The following COL19A1 variants were observed in gnomAD, a reference collection of about 807,000 sequenced individuals.
COL19A1 encodes the protein collagen alpha-1(XIX) chain.
In COL19A1, 159 loss-of-function variants were observed where a neutral mutation model predicts 190.2. The ratio of observed to expected loss-of-function variants is 0.84; its 90% CI spans 0.73 to 0.95. The LOEUF (loss-of-function observed/expected upper bound fraction) is 0.95, where lower values mean the gene tolerates loss of function less well. COL19A1 is among the 40% of genes least tolerant of loss of function. The pLI is 0.00. For missense variants in COL19A1, 1,418 were observed against 1,431.9 expected, an observed-to-expected ratio of 0.99 and a Z score of 0.16; for synonymous variants, 509 against 458.9, an observed-to-expected ratio of 1.11 and a Z score of -1.39.
chr6:69,992,402 T>C (rs1776675814), intron 11 of COL19A1, among the ~76,000 whole-genome samples: 1 of 152,152 alleles, frequency 6.6e-6, no homozygotes, highest in African/African-American at 2.4e-5. Context: ...TTAGAATGTT[T>C]TTCTCTAATT....
At chr6:69,885,767 T>C (rs2149952506) in intron 2 of COL19A1, among the ~76,000 whole-genome samples, 1 of 152,358 alleles carries the variant, frequency 6.6e-6, no homozygotes, top group East Asian at 1.9e-4. Flanking sequence ...CTTAGCATAC[T>C]GTCCTTAAGG....
intron 16 of COL19A1, among the ~76,000 whole-genome samples, chr6:70,108,806 T>C (rs1784117466): frequency 6.6e-6 from 1 of 152,202 alleles, no homozygotes; most frequent in African/African-American, 2.4e-5. Context: ...ATTTGAAACA[T>C]GTACATTCAT....
At chr6:70,035,636 A>T (rs1779312832) in intron 13 of COL19A1, among the ~76,000 whole-genome samples, 1 of 152,226 alleles carries the variant, frequency 6.6e-6, no homozygotes, top group South Asian at 2.1e-4. Context: ...ATTAGTAGAC[A>T]AAAGAATAGA....
In COL19A1 at chr6:70,186,981, G is replaced by A. The variant is rs573808236; in HGVS notation, c.2857-1094G>A. ...CAACCTCCGCCTCCCGGGTTCAAGC[G>A]ATTCTCCTGCCTCAGCCTCCTGAGT... On this transcript the variant is annotated intron_variant, in intron 46 of 50. Transcript: ENST00000620364. 1.3e-3 allele frequency among the ~76,000 whole-genome samples: 192 copies of A among 152,200 alleles called. 1 individual carries two copies. The highest frequency in any genetic ancestry group is 2.3e-3 in the Non-Finnish European group (155 of 68,014).
intron 16 of COL19A1, among the ~76,000 whole-genome samples, chr6:70,117,965 A>C (rs60281234): frequency 0.017 from 2,543 of 152,306 alleles, 72 homozygotes; most frequent in African/African-American, 0.058. Context: ...GCCTCTCTTC[A>C]CCACTGGACC....
chr6:70,178,266 G>A lies in COL19A1; in HGVS notation c.2667+1702G>A, dbSNP rs1379731276. On this transcript the variant is annotated intron_variant, in intron 42 of 50. Transcript: ENST00000620364. ...TAGCTGGGCACCTTTAGTCCCAACT[G>A]CTTGGAGGCTGAGGTGGGAGGATCA... Among the ~76,000 whole-genome samples the A allele has an allele frequency of 2.0e-5, 3 of 152,054 alleles. No individual in the cohort carries two copies. The East Asian group carries it at 5.8e-4, about 29-fold the overall frequency.
At chr6:69,993,252 A>T (rs986915177) in intron 11 of COL19A1, among the ~76,000 whole-genome samples, 2 of 152,130 alleles carry the variant, frequency 1.3e-5, no homozygotes, top group Non-Finnish European at 2.9e-5. Context: ...TATGTGATGA[A>T]TCACATTTAG....
intron 4 of COL19A1, among the ~76,000 whole-genome samples, chr6:69,905,038 T>C (rs749571280): frequency 1.6e-4 from 25 of 152,092 alleles, no homozygotes; most frequent in South Asian, 1.0e-3. Context: ...CACATTTCCA[T>C]TGGGGCCCAT....
At chr6:70,183,176 C>A (rs802185) in intron 44 of COL19A1, among the ~76,000 whole-genome samples, 115,854 of 152,010 alleles carry the variant, frequency 0.76, 45,006 homozygotes, top group African/African-American at 0.91. Flanking sequence ...TGCTGCTTGC[C>A]ATCTGCTGTT....
chr6:70,106,708 A>C (rs1397103678), intron 16 of COL19A1, among the ~76,000 whole-genome samples: 1 of 152,214 alleles, frequency 6.6e-6, no homozygotes, highest in Non-Finnish European at 1.5e-5. Context: ...CTTGTTAAAA[A>C]CCAGAGCTGA....
intron 18 of COL19A1, among the ~76,000 whole-genome samples, chr6:70,137,386 AT>A (rs1189564266): frequency 6.6e-6 from 1 of 152,174 alleles, no homozygotes; most frequent in East Asian, 1.9e-4. Context: ...CAAAATTATA[AT>A]TTTTCTCCTC....
intron 2 of COL19A1, chr6:69,879,874 GTTTCC>G (rs1768402559): frequency 1.9e-6 from 1 of 529,690 alleles, no homozygotes; most frequent in African/African-American, 1.9e-5. Flanking sequence ...ATTAGTCTAT[GTTTCC>G]TTTCATCTTC....
rs1787312267 is a variant in COL19A1, at chr6:70,154,524, A to T, written c.2080-1603A>T. On this transcript the variant is annotated intron_variant, in intron 31 of 50. Transcript: ENST00000620364. ...ATTTTTGAGATGATTTGCCTCATGT[A>T]TTCATCAGGGTTCTCTAGAGGGACA... 2.0e-5 allele frequency among the ~76,000 whole-genome samples: 3 copies of T among 152,152 alleles called. No homozygotes were observed. In the South Asian group the frequency reaches 6.2e-4, roughly 31 times the overall value.
intron 11 of COL19A1, among the ~76,000 whole-genome samples, chr6:70,003,822 T>G (rs1296198095): frequency 6.6e-6 from 1 of 152,198 alleles, no homozygotes; most frequent in Non-Finnish European, 1.5e-5. Context: ...CTTGACTCTA[T>G]CCAATTTGCC....
At chr6:70,079,691 T>A (rs1014398597) in intron 15 of COL19A1, among the ~76,000 whole-genome samples, 1 of 152,200 alleles carries the variant, frequency 6.6e-6, no homozygotes, top group African/African-American at 2.4e-5. Flanking sequence ...TTTCTTAGCA[T>A]GTCTGTGTTG....
At chr6:70,060,406 C>A (rs1043123118) in intron 14 of COL19A1, among the ~76,000 whole-genome samples, 1 of 152,080 alleles carries the variant, frequency 6.6e-6, no homozygotes, top group Non-Finnish European at 1.5e-5. Context: ...GGAAAAGGAC[C>A]AGTACCAGTT....
chr6:70,152,224 G>A (rs904237994), intron 31 of COL19A1, among the ~76,000 whole-genome samples: 2 of 151,882 alleles, frequency 1.3e-5, no homozygotes, highest in Admixed American at 1.3e-4. Context: ...TGGACGTTGT[G>A]TATGTGTACA....
intron 44 of COL19A1, among the ~76,000 whole-genome samples, chr6:70,183,391 C>A (rs1706259626): frequency 6.6e-6 from 1 of 152,100 alleles, no homozygotes; most frequent in Non-Finnish European, 1.5e-5. Flanking sequence ...GAAAGTAACA[C>A]CTTCCTATAC....
chr6:70,137,429 A>G (rs2150230441), intron 18 of COL19A1, among the ~76,000 whole-genome samples: 1 of 152,332 alleles, frequency 6.6e-6, no homozygotes, highest in Admixed American at 6.5e-5. Context: ...AAAAATAATT[A>G]ACTTTGTTTC....
Sources: gnomAD v4.1 joint callset for allele counts (sites outside exome capture counted in the v4.1 genomes callset) on GRCh38, gnomAD v4.1.1 for gene constraint, MANE v1.5 for transcripts, NCBI Gene and HGNC (gene_info 2026-07-23, HGNC 2026-07-21) for gene names.